Variants in RABGAP1L observed in about 807,000 individuals in gnomAD.
RABGAP1L encodes the protein rab GTPase-activating protein 1-like.
Under a neutral mutation model 137.7 loss-of-function variants are expected in RABGAP1L, and 63 were observed. The observed-to-expected ratio is 0.46, with a 90% CI of 0.37 to 0.56. The LOEUF (loss-of-function observed/expected upper bound fraction) is 0.56, where lower values mean the gene tolerates loss of function less well. Ranked by LOEUF, RABGAP1L falls within the 20% of genes least tolerant of loss-of-function variation. RABGAP1L has a pLI of 0.00. For synonymous variants in RABGAP1L, 431 were observed against 433.7 expected, an observed-to-expected ratio of 0.99 and a Z score of 0.08; for missense variants, 1,095 against 1,244.0, an observed-to-expected ratio of 0.88 and a Z score of 1.80.
intron 13 of RABGAP1L, among the ~76,000 whole-genome samples, chr1:174,483,588 T>A (rs1659336726): frequency 6.6e-6 from 1 of 152,182 alleles, no homozygotes; most frequent in South Asian, 2.1e-4. Flanking sequence ...ACTCCTGTAA[T>A]CCCAGCACTT....
At chr1:174,550,903 C>T (rs1167132918) in intron 13 of RABGAP1L, among the ~76,000 whole-genome samples, 2 of 96,388 alleles carry the variant, frequency 2.1e-5, no homozygotes, top group African/African-American at 5.6e-5. Flanking sequence ...TATACACACA[C>T]ACATATACAC....
intron 8 of RABGAP1L, among the ~76,000 whole-genome samples, chr1:174,272,687 C>G (rs1259601078): frequency 2.0e-5 from 3 of 151,920 alleles, no homozygotes; most frequent in African/African-American, 7.2e-5. Context: ...TCATATGCAA[C>G]AAATAAAAGG....
chr1:174,177,233 G>A (rs1222199935), intron 1 of RABGAP1L, among the ~76,000 whole-genome samples: 1 of 152,198 alleles, frequency 6.6e-6, no homozygotes, highest in African/African-American at 2.4e-5. Context: ...AATGACCAGT[G>A]ATGATGAGCT....
At chr1:174,422,994 A>G (rs148254582) in intron 13 of RABGAP1L, among the ~76,000 whole-genome samples, 39 of 152,036 alleles carry the variant, frequency 2.6e-4, no homozygotes, top group African/African-American at 9.2e-4. Flanking sequence ...ATAGCTAAAA[A>G]TAGTGAATAG....
intron 13 of RABGAP1L, among the ~76,000 whole-genome samples, chr1:174,430,770 G>A (rs955215657): frequency 7.9e-5 from 12 of 152,156 alleles, no homozygotes. Context: ...AATGATGAAA[G>A]ATATAAGTGA....
intron 1 of RABGAP1L, among the ~76,000 whole-genome samples, chr1:174,198,779 T>C (rs1024810817): frequency 6.6e-6 from 1 of 152,142 alleles, no homozygotes; most frequent in Non-Finnish European, 1.5e-5. Context: ...GTGTCTTGGC[T>C]TGTGAGGCGC....
At chr1:174,553,409 G>A (rs1249171372) in intron 13 of RABGAP1L, among the ~76,000 whole-genome samples, 3 of 152,114 alleles carry the variant, frequency 2.0e-5, no homozygotes, top group Admixed American at 2.0e-4. Flanking sequence ...TTTGTATGTG[G>A]TATAAGGAAG....
chr1:174,384,570 T>G (rs1356493960), intron 12 of RABGAP1L, among the ~76,000 whole-genome samples: 7 of 152,182 alleles, frequency 4.6e-5, no homozygotes, highest in Non-Finnish European at 1.0e-4. Context: ...GATGGCTATT[T>G]GAAGTGTGTT....
rs556414649 is a variant in RABGAP1L at position 174,538,809 on chromosome 1, T to C, written c.1711-98566T>C. ...AAGTAACCTGGAGCTATAAGTCCCG[T>C]AATACCACATAGGTATACATGTTTA... On this transcript the variant is annotated intron_variant, in intron 13 of 25. Coordinates refer to ENST00000681986, the MANE Select transcript of RABGAP1L (RefSeq NM_001366446.1). Among the ~76,000 whole-genome samples the C allele has an allele frequency of 3.9e-5, 6 of 152,332 alleles. No homozygotes were observed. In the South Asian group the frequency reaches 1.2e-3, roughly 32 times the overall value.
chr1:174,308,980 A>G (rs750121217), intron 11 of RABGAP1L, among the ~76,000 whole-genome samples: 2 of 151,998 alleles, frequency 1.3e-5, no homozygotes, highest in Non-Finnish European at 2.9e-5. Flanking sequence ...AGACATTTAA[A>G]CATATTAATT....
In RABGAP1L at chr1:174,241,619, T is replaced by G; in HGVS notation, c.679T>G (p.Phe227Val). 2 of 1,613,720 alleles carry G rather than the reference T, an allele frequency of 1.2e-6. No individual in the cohort carries two copies. The highest frequency in any genetic ancestry group is 1.7e-6 in the Non-Finnish European group (2 of 1,179,882). Residue 227 changes from phenylalanine (F) to valine (V), a missense_variant, in exon 5 of 26, where the codon TTT becomes GTT. Phe to Val is a conservative substitution (Grantham distance 50). Coordinates refer to ENST00000681986, the MANE Select transcript of RABGAP1L (RefSeq NM_001366446.1). ...AGAGAGTTCCCATGGTTCGGAAGAA[T>G]TTCAGATACATGTTTTCTCCTGTGA... Reference protein sequence around the residue: ...FTESSHGSEEFQIHVFSCEIK... With the variant: ...FTESSHGSEEVQIHVFSCEIK...
At chr1:174,980,263 A>G (rs1167741881) in intron 23 of RABGAP1L, among the ~76,000 whole-genome samples, 1 of 152,210 alleles carries the variant, frequency 6.6e-6, no homozygotes, top group Admixed American at 6.5e-5. Context: ...GACGATTGAT[A>G]AATAAAACTT....
chr1:174,509,996 C>G (rs12141040), intron 13 of RABGAP1L, among the ~76,000 whole-genome samples: 5,889 of 152,264 alleles, frequency 0.039, 158 homozygotes, highest in Non-Finnish European at 0.06. Context: ...AGCAGTTGCT[C>G]TTGATCTTCA....
intron 19 of RABGAP1L, among the ~76,000 whole-genome samples, chr1:174,943,229 T>A (rs1033146500): frequency 3.9e-5 from 6 of 152,242 alleles, no homozygotes; most frequent in Non-Finnish European, 8.8e-5. Flanking sequence ...CATACTTGGT[T>A]GAATGCTCTA....
intron 12 of RABGAP1L, among the ~76,000 whole-genome samples, chr1:174,371,501 C>G (rs973409456): frequency 2.0e-5 from 3 of 152,076 alleles, no homozygotes; most frequent in Non-Finnish European, 4.4e-5. Context: ...TGATTGTTAA[C>G]TGACACAGCT....
intron 13 of RABGAP1L, among the ~76,000 whole-genome samples, chr1:174,612,719 T>G (rs964196938): frequency 1.3e-4 from 20 of 152,348 alleles, no homozygotes; most frequent in Admixed American, 3.9e-4. Context: ...TATTGATTAT[T>G]GCCACAATTT....
At chr1:174,919,480 T>C (rs1032884514) in intron 19 of RABGAP1L, among the ~76,000 whole-genome samples, 2 of 152,250 alleles carry the variant, frequency 1.3e-5, no homozygotes, top group African/African-American at 4.8e-5. Flanking sequence ...AGCTCAGGGT[T>C]CTCAGAACTG....
intron 1 of RABGAP1L, among the ~76,000 whole-genome samples, chr1:174,161,254 A>T (rs1001310332): frequency 8.7e-5 from 12 of 138,328 alleles, no homozygotes; most frequent in African/African-American, 2.8e-5. Context: ...TATTATTATT[A>T]TTTTTGAGAC....
intron 13 of RABGAP1L, among the ~76,000 whole-genome samples, chr1:174,480,736 G>C (rs564021282): frequency 6.6e-6 from 1 of 152,362 alleles, no homozygotes; most frequent in South Asian, 2.1e-4. Flanking sequence ...TATGGTCACA[G>C]AGAGATTAGT....
Sources: allele counts gnomAD v4.1 joint callset (sites outside exome capture counted in the v4.1 genomes callset), GRCh38; gene constraint gnomAD v4.1.1; transcripts MANE v1.5; gene names NCBI Gene and HGNC (gene_info 2026-07-23, HGNC 2026-07-21).